ATP13A5: variants seen among roughly 807,000 people sequenced by gnomAD.
ATP13A5 encodes the protein ATPase 13A5, also known as probable cation-transporting ATPase 13A5.
In ATP13A5, 149 loss-of-function variants were observed where a neutral mutation model predicts 150.2. The observed-to-expected ratio is 0.99, with a 90% CI of 0.87 to 1.14. The LOEUF (loss-of-function observed/expected upper bound fraction) is 1.14. Ranked by LOEUF, ATP13A5 falls within the 50% of genes most tolerant of loss-of-function variation. The pLI, the probability that ATP13A5 is intolerant of heterozygous loss-of-function variation, is 0.00. For missense variants in ATP13A5, 1,383 were observed against 1,449.3 expected, an observed-to-expected ratio of 0.95 and a Z score of 0.74; for synonymous variants, 497 against 522.2, an observed-to-expected ratio of 0.95 and a Z score of 0.66.
intron 5 of ATP13A5, among the ~76,000 whole-genome samples, chr3:193,355,352 G>A (rs1712741846): frequency 6.6e-6 from 1 of 152,110 alleles, no homozygotes; most frequent in Non-Finnish European, 1.5e-5. Context: ...AGCACTTATT[G>A]TAATAGAAAC....
At chr3:193,279,496 G>A (rs781759550) in intron 27 of ATP13A5, 42 bp from the exon 28 acceptor site, 3 of 1,537,606 alleles carry the variant, frequency 2.0e-6, no homozygotes, top group Non-Finnish European at 2.7e-6. Flanking sequence ...TTAAAAGAAT[G>A]TTTCATATAA....
At position 193,321,756 on chromosome 3, in the gene ATP13A5, C is replaced by A; in HGVS notation, c.1840G>T (p.Ala614Ser). 6.2e-7 allele frequency: 1 copy of A among 1,614,206 alleles called. No homozygotes were observed. ...LQRMSVIAQL[A>S]GENHFHVYMK... Reference sequence around the variant, plus strand: ...TAGACATGGAAATGATTCTCCCCAGCTAGCTGAGCGATCACGGACATCCTC... The same window carrying A: ...TAGACATGGAAATGATTCTCCCCAGATAGCTGAGCGATCACGGACATCCTC... The change falls in exon 16 of 30, where the codon GCT (alanine) becomes TCT (serine). Residue 614 changes from alanine (A) to serine (S), a missense_variant. Coordinates refer to ENST00000342358, the MANE Select transcript of ATP13A5 (RefSeq NM_198505.4).
chr3:193,333,598 C>T lies in ATP13A5; in HGVS notation c.1272+152G>A, dbSNP rs1424995173. 3 of 732,082 alleles carry T rather than the reference C, an allele frequency of 4.1e-6. No homozygotes were observed. The African/African-American group carries it at 5.3e-5, about 13-fold the overall frequency. The allele number at this position is 732,082 out of a possible 1,614,324, so 45.3% of individuals were successfully genotyped here. ...ACCTAAACACTGGGGGCAAACTAGG[C>T]ATGAGAACATTTCCGCTGTCTAAGA... On this transcript the variant is annotated intron_variant, in intron 11 of 29. Transcript: ENST00000342358.
At chr3:193,362,711 T>A in intron 3 of ATP13A5, 74 bp from the exon 4 acceptor site, 1 of 1,307,884 alleles carries the variant, frequency 7.6e-7, no homozygotes, top group South Asian at 1.2e-5. Context: ...TGGTGTCCAA[T>A]GCAGGATGCA....
At chr3:193,353,448 T>A (rs1045929003) in intron 6 of ATP13A5, among the ~76,000 whole-genome samples, 2 of 152,090 alleles carry the variant, frequency 1.3e-5, no homozygotes, top group African/African-American at 4.8e-5. Flanking sequence ...ACCAAAAGAA[T>A]ACATTTCAAA....
intron 27 of ATP13A5, among the ~76,000 whole-genome samples, chr3:193,284,070 GAGTGT>G (rs1717617112): frequency 6.6e-6 from 1 of 151,102 alleles, no homozygotes; most frequent in Admixed American, 6.6e-5. Flanking sequence ...GCCCAGGCTG[GAGTGT>G]AGTGGTGTGA....
chr3:193,324,929 T>C lies in ATP13A5; in HGVS notation c.1609A>G (p.Ile537Val), dbSNP rs140058809. The change falls in exon 14 of 30, where the codon ATC (isoleucine) becomes GTC (valine). Residue 537 changes from isoleucine (I) to valine (V), a missense_variant. This residue lies in a region of ATP13A5 where 787 missense variants were observed against 771.9 expected (regional missense o/e 1.02). Coordinates refer to ENST00000342358, the MANE Select transcript of ATP13A5 (RefSeq NM_198505.4). ...CCCTGGATGGTCCCATTGAGAAGGA[T>C]CAGAGAGTGGCAGCTGGCCATGGCC... is the stretch of plus-strand genomic sequence containing the variant. Reference protein sequence around the residue: ...CAAMASCHSLILLNGTIQGDP... With the variant: ...CAAMASCHSLVLLNGTIQGDP... 306 of 1,614,110 alleles carry C rather than the reference T, an allele frequency of 1.9e-4. 1 individual carries two copies. In the East Asian group the frequency reaches 5.7e-3, roughly 30 times the overall value.
chr3:193,283,366 G>C (rs80100824), intron 27 of ATP13A5, among the ~76,000 whole-genome samples: 2 of 151,852 alleles, frequency 1.3e-5, no homozygotes, highest in Non-Finnish European at 2.9e-5. Context: ...ATGGAAAAAA[G>C]ATCACAAAAA....
At chr3:193,325,248 T>G (rs1719428597) in intron 13 of ATP13A5, among the ~76,000 whole-genome samples, 1 of 152,228 alleles carries the variant, frequency 6.6e-6, no homozygotes, top group South Asian at 2.1e-4. Context: ...CTCTATGCCC[T>G]GTACTCTAGA....
At chr3:193,349,551 T>C (rs62287630) in intron 7 of ATP13A5, among the ~76,000 whole-genome samples, 41,094 of 152,018 alleles carry the variant, frequency 0.27, 5,844 homozygotes, top group Non-Finnish European at 0.31. Flanking sequence ...TCTAGAGAAA[T>C]AGACTAAAAA....
chr3:193,309,554 C>T lies in ATP13A5; in HGVS notation c.2525+1084G>A, dbSNP rs1718758886. Among the ~76,000 whole-genome samples, 4 of 152,130 alleles carry T rather than the reference C, an allele frequency of 2.6e-5. No homozygotes were observed. The South Asian group carries it at 8.3e-4, about 31-fold the overall frequency. ...CCTGGACGTGGGCTGGATCTAGTGG[C>T]TTACTCCTAAGGAAGGGAATACGGC... On this transcript the variant is annotated intron_variant, in intron 21 of 29. Transcript: ENST00000342358.
intron 21 of ATP13A5, 72 bp downstream of exon 21, chr3:193,310,566 C>T (rs1718802163): frequency 1.6e-6 from 2 of 1,236,810 alleles, no homozygotes; most frequent in Non-Finnish European, 2.3e-6. Context: ...CATTCTGACT[C>T]ACACCTGAAT....
intron 12 of ATP13A5, 76 bp from the exon 13 acceptor site, chr3:193,327,133 G>C (rs1192244303): frequency 1.5e-6 from 2 of 1,338,066 alleles, no homozygotes; most frequent in Non-Finnish European, 2.1e-6. Flanking sequence ...CAAAACCCAA[G>C]TTTCTAAGAT....
intron 12 of ATP13A5, 133 bp from the exon 13 acceptor site, chr3:193,327,190 A>G (rs1719496893): frequency 2.7e-6 from 2 of 751,500 alleles, no homozygotes; most frequent in Non-Finnish European, 2.1e-6. Context: ...TAAGTACCAA[A>G]TTTTAAATCA....
At chr3:193,304,911 G>C (rs1378486395) in intron 23 of ATP13A5, among the ~76,000 whole-genome samples, 1 of 152,196 alleles carries the variant, frequency 6.6e-6, no homozygotes, top group Non-Finnish European at 1.5e-5. Context: ...CACAAGACAA[G>C]AGAGAGGAAG....
chr3:193,343,880 G>A, intron 9 of ATP13A5, 47 bp downstream of exon 9: 1 of 1,594,602 alleles, frequency 6.3e-7, no homozygotes, highest in Non-Finnish European at 8.5e-7. Context: ...ATGTTGATCT[G>A]ATTAGATGTC....
intron 29 of ATP13A5, among the ~76,000 whole-genome samples, chr3:193,276,488 GCATT>G (rs1432730304): frequency 4.6e-5 from 7 of 152,156 alleles, no homozygotes; most frequent in Non-Finnish European, 7.4e-5. Flanking sequence ...GCAATACAGT[GCATT>G]CATGGAAGCA....
Position 193,335,113 on chromosome 3 carries a change from T to C in ATP13A5, c.944-14A>G, listed in dbSNP as rs549250406. On this transcript the variant is annotated splice_polypyrimidine_tract_variant and intron_variant, in intron 9 of 29. Transcript: ENST00000342358. The stretch of plus-strand genomic sequence containing the variant: ...GTATACTTTCTCCTAAAGAGGATTG[T>C]ATTTTGTTGAATCTATGTAAGCTCA... 3.1e-6 allele frequency: 5 copies of C among 1,612,650 alleles called. No individual in the cohort carries two copies. The East Asian group carries it at 8.9e-5, about 29-fold the overall frequency.
intron 7 of ATP13A5, among the ~76,000 whole-genome samples, chr3:193,345,387 G>A (rs1387701007): frequency 2.6e-5 from 4 of 152,108 alleles, no homozygotes; most frequent in Non-Finnish European, 5.9e-5. Flanking sequence ...TTTAATGGGA[G>A]TTTAATTGAG....
Sources: gnomAD v4.1 joint callset for allele counts (sites outside exome capture counted in the v4.1 genomes callset) on GRCh38, gnomAD v4.1.1 for gene constraint, gnomAD v4.1.1 regional missense constraint, MANE v1.5 for transcripts, NCBI Gene and HGNC (gene_info 2026-07-23, HGNC 2026-07-21) for gene names.